The following DNAH7 variants were observed in gnomAD, a reference collection of about 807,000 sequenced individuals.
The protein encoded by DNAH7 is dynein axonemal heavy chain 7, also known as axonemal beta dynein heavy chain 7.
In DNAH7, 397 loss-of-function variants were observed where a neutral mutation model predicts 444.6. The ratio of observed to expected loss-of-function variants is 0.89; its 90% CI spans 0.82 to 0.97. The LOEUF (loss-of-function observed/expected upper bound fraction) is 0.97, where lower values mean the gene tolerates loss of function less well. Among genes scored for constraint, DNAH7 ranks in the 50% least tolerant of loss-of-function variants. The pLI is 0.00. For synonymous variants in DNAH7, 1,636 were observed against 1,624.4 expected (o/e 1.01, Z -0.17); for missense variants, 4,902 against 4,800.8 (o/e 1.02, Z -0.62).
chr2:196,039,601 T>G (rs1696603512), intron 5 of DNAH7, among the ~76,000 whole-genome samples: 1 of 151,924 alleles, frequency 6.6e-6, no homozygotes, highest in Non-Finnish European at 1.5e-5. Context: ...AGTTAGAGAC[T>G]AGCCTGGCCA....
intron 9 of DNAH7, among the ~76,000 whole-genome samples, chr2:196,018,833 G>T (rs1259850730): frequency 1.3e-5 from 2 of 152,042 alleles, no homozygotes; most frequent in Non-Finnish European, 2.9e-5. Flanking sequence ...TGGATTGTTT[G>T]TAACACAAAG....
Position 195,771,871 on chromosome 2 carries a change from C to G in DNAH7, c.11222G>C (p.Gly3741Ala). The change falls in exon 61 of 65, where the codon GGT becomes GCT. Residue 3741 changes from glycine (G) to alanine (A), a missense_variant. Gly to Ala is a moderately conservative substitution (Grantham distance 60, BLOSUM62 0). Transcript: ENST00000312428. Reference protein sequence around the residue: ...LLTQSRSAGAGAKSSDEVVNE... With the variant: ...LLTQSRSAGAAAKSSDEVVNE... ...CACTACTTCATCTGATGATTTTGCA[C>G]CAGCACCTGCTGAACGAGACTATGA... The G allele has an allele frequency of 6.2e-7, 1 of 1,614,142 alleles. No homozygotes were observed. The highest frequency in any genetic ancestry group is 8.5e-7 in the Non-Finnish European group (1 of 1,180,016).
intron 12 of DNAH7, among the ~76,000 whole-genome samples, chr2:195,990,911 A>G (rs1226775807): frequency 4.3e-5 from 6 of 139,418 alleles, no homozygotes; most frequent in Non-Finnish European, 9.3e-5. Flanking sequence ...ATATATACTT[A>G]AATATATATA....
At chr2:196,036,912 G>C (rs1696430492) in intron 5 of DNAH7, among the ~76,000 whole-genome samples, 1 of 152,002 alleles carries the variant, frequency 6.6e-6, no homozygotes, top group African/African-American at 2.4e-5. Flanking sequence ...AGGAAACCAA[G>C]GACCAGTCCA....
chr2:196,055,803 T>G lies in DNAH7; in HGVS notation c.78+2251A>C, dbSNP rs192751937. Among the ~76,000 whole-genome samples the G allele has an allele frequency of 2.0e-4, 31 of 152,250 alleles. No individual in the cohort carries two copies. In the East Asian group the frequency reaches 4.8e-3, roughly 24 times the overall value. On this transcript the variant is annotated intron_variant, in intron 2 of 64. Transcript: ENST00000312428. The stretch of plus-strand genomic sequence containing the variant: ...GTCACTACAAATATCCAAAACACCC[T>G]ATGTAACCCAAGCCTCCTATACAAC...
chr2:196,041,610 A>G (rs1696764001), intron 5 of DNAH7, among the ~76,000 whole-genome samples: 1 of 152,138 alleles, frequency 6.6e-6, no homozygotes, highest in Non-Finnish European at 1.5e-5. Flanking sequence ...AAGTACTAGA[A>G]GAAAACATTG....
Position 196,047,458 on chromosome 2 carries a change from G to A in DNAH7, c.292C>T (p.His98Tyr). The change falls in exon 5 of 65, where the codon CAC becomes TAC. Residue 98 changes from histidine (H) to tyrosine (Y), a missense_variant. By Grantham distance (83) the His-to-Tyr change is moderately conservative (BLOSUM62 2). Coordinates refer to ENST00000312428, the MANE Select transcript of DNAH7 (RefSeq NM_018897.3). ...CCAACATAACTATCATCAACTTGGTGGGGTAATTTGCCCTTTTTTCCAAAA... is the reference window on the plus strand; with the variant it reads ...CCAACATAACTATCATCAACTTGGTAGGGTAATTTGCCCTTTTTTCCAAAA... Reference protein sequence around the residue: ...ERFGKKGKLPHQVDDSYVGPS... With the variant: ...ERFGKKGKLPYQVDDSYVGPS... The A allele has an allele frequency of 6.2e-7, 1 of 1,600,558 alleles. No homozygotes were observed. Among genetic ancestry groups the A allele is most frequent in the Admixed American group, 1.7e-5 (1 of 59,256 alleles).
chr2:195,863,621 GAGA>G (rs1245563371), intron 41 of DNAH7, among the ~76,000 whole-genome samples: 14 of 152,166 alleles, frequency 9.2e-5, no homozygotes, highest in Non-Finnish European at 4.4e-5. Context: ...TGGAAGAAGT[GAGA>G]CACAGGGGTA....
chr2:195,904,952 C>T (rs573315986), intron 27 of DNAH7: 1 of 152,088 alleles, frequency 6.6e-6, no homozygotes, highest in African/African-American at 2.4e-5. Flanking sequence ...TACCTGAAAA[C>T]AGATGCTCTG....
In DNAH7 at chr2:196,058,054, C is replaced by A. The variant is rs1026871856; in HGVS notation, c.78G>T (p.Met26Ile). The change falls in exon 2 of 65, where the codon ATG becomes ATT. Residue 26 changes from methionine (M) to isoleucine (I), a missense_variant and splice_region_variant. Met to Ile is a conservative substitution (Grantham distance 10). Transcript: ENST00000312428. The stretch of plus-strand genomic sequence containing the variant: ...GTATGATGGTATATTGGTAAATTAC[C>A]ATAGACAGCTGTGGTAGAAATCTTA... ...KPVRFLPQLS[M>I]EKLASKEKFK... 1.3e-6 allele frequency: 2 copies of A among 1,542,840 alleles called. No homozygotes were observed. The highest frequency in any genetic ancestry group is 1.3e-5 in the South Asian group (1 of 78,698).
chr2:195,846,245 A>T (rs962262988), intron 46 of DNAH7, among the ~76,000 whole-genome samples: 6 of 152,240 alleles, frequency 3.9e-5, no homozygotes, highest in African/African-American at 1.4e-4. Context: ...CGCAGCCACA[A>T]GGATATGAAA....
chr2:195,779,100 C>T (rs888638883), intron 58 of DNAH7, among the ~76,000 whole-genome samples: 3 of 152,208 alleles, frequency 2.0e-5, no homozygotes, highest in African/African-American at 7.2e-5. Context: ...GCCTTGGTCT[C>T]CCAAAGTGCT....
chr2:196,006,363 C>T lies in DNAH7; in HGVS notation c.990-4505G>A, dbSNP rs371332968. Among the ~76,000 whole-genome samples, 10 of 152,096 alleles carry T rather than the reference C, an allele frequency of 6.6e-5. No homozygotes were observed. The East Asian group carries it at 1.9e-3, about 29-fold the overall frequency. ...CCATGTAGAATCTACCTCAGGAATT[C>T]AAGGTTGGTTCAATACATGAAAAAT... On this transcript the variant is annotated intron_variant, in intron 10 of 64. Coordinates refer to ENST00000312428, the MANE Select transcript of DNAH7 (RefSeq NM_018897.3).
At chr2:195,909,588 AAAAC>A (rs1687235418) in intron 25 of DNAH7, among the ~76,000 whole-genome samples, 1 of 152,202 alleles carries the variant, frequency 6.6e-6, no homozygotes, top group African/African-American at 2.4e-5. Context: ...TTTAAAAATA[AAAAC>A]AAATAATAAA....
intron 12 of DNAH7, chr2:195,995,608 G>C (rs1395558891): frequency 3.4e-6 from 1 of 291,754 alleles, no homozygotes; most frequent in African/African-American, 2.2e-5. Flanking sequence ...GCTAGAGAGG[G>C]GACCCGGAGG....
At position 196,054,149 on chromosome 2, in the gene DNAH7, T is replaced by G. The variant is rs183848951; in HGVS notation, c.79-2900A>C. Among the ~76,000 whole-genome samples, 16 of 152,300 alleles carry G rather than the reference T, an allele frequency of 1.1e-4. No homozygotes were observed. The East Asian group carries it at 3.1e-3, about 29-fold the overall frequency. On this transcript the variant is annotated intron_variant, in intron 2 of 64. Coordinates refer to ENST00000312428, the MANE Select transcript of DNAH7 (RefSeq NM_018897.3). ...AAAATCTAGCCCTTTAAGACCAAAA[T>G]CGAAAAAGTTTACATTTCATTTCTT...
At chr2:195,804,834 A>ATATC (rs377734504) in intron 54 of DNAH7, among the ~76,000 whole-genome samples, 9 of 150,004 alleles carry the variant, frequency 6.0e-5, no homozygotes, top group Non-Finnish European at 8.9e-5. Flanking sequence ...TATTGTCCAC[A>ATATC]TATCTATCTA....
At chr2:195,786,982 A>T in intron 58 of DNAH7, 28 bp downstream of exon 58, 1 of 1,539,176 alleles carries the variant, frequency 6.5e-7, no homozygotes, top group Non-Finnish European at 8.7e-7. Flanking sequence ...CAACATAGGT[A>T]ATGTCCTTGC....
In DNAH7 at chr2:195,827,395, A is replaced by G. The variant is rs140258945; in HGVS notation, c.9101-2950T>C. Among the ~76,000 whole-genome samples the G allele has an allele frequency of 8.3e-4, 126 of 151,660 alleles. 12 individuals carry two copies. In the East Asian group the frequency reaches 0.024, roughly 29 times the overall value. ...TGGGCTCAGGCCATCTTCCCACCTCAGCCTCCTGGGTAGCTGGGACTACAG... is the reference window on the plus strand; with the variant it reads ...TGGGCTCAGGCCATCTTCCCACCTCGGCCTCCTGGGTAGCTGGGACTACAG... On this transcript the variant is annotated intron_variant, in intron 48 of 64. Coordinates refer to ENST00000312428, the MANE Select transcript of DNAH7 (RefSeq NM_018897.3).
Sources: gnomAD v4.1 joint callset for allele counts (sites outside exome capture counted in the v4.1 genomes callset) on GRCh38, gnomAD v4.1.1 for gene constraint, MANE v1.5 for transcripts, NCBI Gene and HGNC (gene_info 2026-07-23, HGNC 2026-07-21) for gene names.